The following GBF1 variants were observed in gnomAD, a reference collection of about 807,000 sequenced individuals.
GBF1 encodes golgi brefeldin A resistant guanine nucleotide exchange factor 1.
A neutral mutation model predicts 210.5 loss-of-function variants in GBF1; 114 were observed. The ratio of observed to expected loss-of-function variants is 0.54; its 90% CI spans 0.47 to 0.63. The LOEUF (loss-of-function observed/expected upper bound fraction) is 0.63. Among genes scored for constraint, GBF1 ranks in the 30% least tolerant of loss-of-function variants. The pLI is 0.00. For synonymous variants in GBF1, 850 were observed against 889.2 expected (o/e 0.96, Z 0.78); for missense variants, 1,851 against 2,357.7 (o/e 0.79, Z 4.45).
chr10:102,379,988 C>G (rs1253162305), intron 36 of GBF1, 34 bp downstream of exon 36: 1 of 1,391,194 alleles, frequency 7.2e-7, no homozygotes, highest in African/African-American at 1.4e-5. Flanking sequence ...ACCCTCTCTC[C>G]CATACCTGCC....
At chr10:102,323,299 G>T (rs1181806999) in intron 3 of GBF1, among the ~76,000 whole-genome samples, 1 of 151,204 alleles carries the variant, frequency 6.6e-6, no homozygotes, top group Non-Finnish European at 1.5e-5. Flanking sequence ...TAGTGCCTGG[G>T]CATGGAAGTC....
At chr10:102,273,009 C>G (rs1276059891) in intron 3 of GBF1, among the ~76,000 whole-genome samples, 1 of 152,170 alleles carries the variant, frequency 6.6e-6, no homozygotes, top group African/African-American at 2.4e-5. Flanking sequence ...CTGGTACAAT[C>G]AACCAGCAAT....
intron 3 of GBF1, among the ~76,000 whole-genome samples, chr10:102,328,255 G>T (rs2057052431): frequency 6.6e-6 from 1 of 152,200 alleles, no homozygotes; most frequent in Admixed American, 6.5e-5. Flanking sequence ...CACTTTGGGA[G>T]GCCAAGGAAG....
At chr10:102,324,304 T>C (rs1422176850) in intron 3 of GBF1, among the ~76,000 whole-genome samples, 1 of 152,170 alleles carries the variant, frequency 6.6e-6, no homozygotes, top group Non-Finnish European at 1.5e-5. Flanking sequence ...AGCCACAGCA[T>C]GTGTTTCAGT....
chr10:102,359,323 A>G lies in GBF1; in HGVS notation c.1068A>G (p.Glu356=). Residue 356 remains glutamate, a synonymous_variant, in exon 11 of 40, where the codon GAA becomes GAG. Transcript: ENST00000369983. ...CAGCATCTGTGGAGTCCATCCCTGA[A>G]GTGTTAGAGGAGTGCACGTCCCCTG... ...SQSASVESIP[E]VLEECTSPAD... 6.2e-7 allele frequency: 1 copy of G among 1,611,612 alleles called. No individual in the cohort carries two copies. Among genetic ancestry groups the G allele is most frequent in the Non-Finnish European group, 8.5e-7 (1 of 1,177,718 alleles).
At chr10:102,289,095 C>T (rs2076225032) in intron 3 of GBF1, among the ~76,000 whole-genome samples, 1 of 140,896 alleles carries the variant, frequency 7.1e-6, no homozygotes, top group Non-Finnish European at 1.5e-5. Flanking sequence ...AGAGCAAAGA[C>T]TCTGTCTCAG....
chr10:102,356,463 C>G (rs917427072), intron 8 of GBF1, among the ~76,000 whole-genome samples: 2 of 152,022 alleles, frequency 1.3e-5, no homozygotes, highest in African/African-American at 2.4e-5. Flanking sequence ...GAGAAAACAT[C>G]AGGGCTTAAA....
chr10:102,256,141 C>T (rs1439472341), intron 1 of GBF1, among the ~76,000 whole-genome samples: 6 of 152,074 alleles, frequency 3.9e-5, no homozygotes, highest in South Asian at 2.1e-4. Context: ...AGACAGGGTT[C>T]GCCATGTTGC....
intron 6 of GBF1, 63 bp from the exon 7 acceptor site, chr10:102,352,395 G>A: frequency 8.9e-7 from 1 of 1,128,066 alleles, no homozygotes; most frequent in South Asian, 1.2e-5. Flanking sequence ...TCTGCTCTGA[G>A]AACCCTCTTG....
Position 102,313,342 on chromosome 10 carries a change from C to T in GBF1, c.164-30709C>T, listed in dbSNP as rs548976623. On this transcript the variant is annotated intron_variant, in intron 3 of 39. Coordinates refer to ENST00000369983, the MANE Select transcript of GBF1 (RefSeq NM_001377137.1). ...GTGATTTACGAGGTGTGGGCCCTTA[C>T]GTGAAAGAAAACAAAACCAGCCGCT... is the stretch of plus-strand genomic sequence containing the variant. 1.6e-4 allele frequency among the ~76,000 whole-genome samples: 25 copies of T among 152,090 alleles called. 1 individual carries two copies. In the South Asian group the frequency reaches 5.0e-3, roughly 30 times the overall value.
chr10:102,284,584 T>G (rs2075788653), intron 3 of GBF1, among the ~76,000 whole-genome samples: 1 of 152,216 alleles, frequency 6.6e-6, no homozygotes, highest in Admixed American at 6.5e-5. Context: ...TGCTGTAACA[T>G]GAATCAGCAC....
rs776595449 is a variant in GBF1, at chr10:102,367,484, C to T, written c.2566C>T (p.Arg856Cys). 1.0e-5 allele frequency: 16 copies of T among 1,604,804 alleles called. No homozygotes were observed. Among genetic ancestry groups the T allele is most frequent in the South Asian group, 2.2e-5 (2 of 90,920 alleles). Residue 856 changes from arginine to cysteine, a missense_variant, in exon 21 of 40, where the codon CGC becomes TGC. This residue lies in a region of GBF1 where 80 missense variants were observed against 151.4 expected (regional missense o/e 0.53). Coordinates refer to ENST00000369983, the MANE Select transcript of GBF1 (RefSeq NM_001377137.1). ...CTTACTGGCCTGTCTCTAGGAGTTTCGCAAAAATCTGAAAGGTGTGAATGG... is the reference window on the plus strand; with the variant it reads ...CTTACTGGCCTGTCTCTAGGAGTTTTGCAAAAATCTGAAAGGTGTGAATGG... ...QNAPMTLEEF[R>C]KNLKGVNGGK...
intron 3 of GBF1, among the ~76,000 whole-genome samples, chr10:102,302,385 C>T (rs1321073437): frequency 1.3e-5 from 2 of 151,780 alleles, no homozygotes; most frequent in African/African-American, 4.8e-5. Flanking sequence ...AACTATATCT[C>T]AATATATAAG....
chr10:102,342,161 C>T (rs1315940179), intron 3 of GBF1, among the ~76,000 whole-genome samples: 2 of 151,634 alleles, frequency 1.3e-5, no homozygotes, highest in South Asian at 2.1e-4. Context: ...CTCAGCCTCC[C>T]GAGTAGCTGG....
chr10:102,373,653 G>A (rs1047732957), intron 29 of GBF1, among the ~76,000 whole-genome samples: 2 of 152,214 alleles, frequency 1.3e-5, no homozygotes. Context: ...CTGAAAGGAC[G>A]TGGAGAAACT....
At chr10:102,281,518 CATAAATTATAATCT>C (rs1347397534) in intron 3 of GBF1, among the ~76,000 whole-genome samples, 3 of 150,358 alleles carry the variant, frequency 2.0e-5, no homozygotes, top group African/African-American at 7.3e-5. Flanking sequence ...CTATAAAGCA[CATAAATTATAATCT>C]ATAAATTATA....
chr10:102,312,578 T>TG (rs2078562416), intron 3 of GBF1, among the ~76,000 whole-genome samples: 1 of 152,252 alleles, frequency 6.6e-6, no homozygotes, highest in South Asian at 2.1e-4. Flanking sequence ...TGTAAGGGAA[T>TG]GCTGACAGCT....
the GBF1 span, chr10:102,230,647 G>A: frequency 6.2e-7 from 1 of 1,602,666 alleles, no homozygotes; most frequent in Non-Finnish European, 8.5e-7. Flanking sequence ...CGAGTTACAC[G>A]GGTCCCGATA....
intron 3 of GBF1, among the ~76,000 whole-genome samples, chr10:102,340,190 G>GGA (rs1438545557): frequency 3.3e-5 from 5 of 150,900 alleles, no homozygotes; most frequent in Non-Finnish European, 7.4e-5. Context: ...CCTGACCTCA[G>GGA]GTGATCCACC....
Sources: gnomAD v4.1 joint callset for allele counts (sites outside exome capture counted in the v4.1 genomes callset) on GRCh38, gnomAD v4.1.1 for gene constraint, gnomAD v4.1.1 regional missense constraint, MANE v1.5 for transcripts, NCBI Gene and HGNC (gene_info 2026-07-23, HGNC 2026-07-21) for gene names.